Variants in ROBO1 observed in about 807,000 individuals in gnomAD.
ROBO1 encodes the protein roundabout homolog 1.
ROBO1 carries 149 observed loss-of-function variants against 195.9 expected under a neutral mutation model. The observed-to-expected ratio is 0.76, with a 90% confidence interval of 0.67 to 0.87. ROBO1 has a LOEUF of 0.87. Among genes scored for constraint, ROBO1 ranks in the 40% least tolerant of loss-of-function variants. The pLI is 0.00. For missense variants in ROBO1, 1,933 were observed against 2,068.3 expected, an observed-to-expected ratio of 0.93 and a Z score of 1.27; for synonymous variants, 816 against 733.2, an observed-to-expected ratio of 1.11 and a Z score of -1.82.
chr3:79,340,396 T>A (rs78159575), intron 2 of ROBO1, among the ~76,000 whole-genome samples: 2,898 of 152,184 alleles, frequency 0.019, 71 homozygotes, highest in African/African-American at 0.061. Context: ...TAAACTTGGA[T>A]CATGACTTGA....
At chr3:79,541,201 A>G (rs113182375) in intron 2 of ROBO1, among the ~76,000 whole-genome samples, 181 of 152,224 alleles carry the variant, frequency 1.2e-3, no homozygotes, top group African/African-American at 4.0e-3. Flanking sequence ...AGTTACAGAA[A>G]ACAATCACGT....
intron 1 of ROBO1, among the ~76,000 whole-genome samples, chr3:79,591,414 TTTAC>T (rs1030485847): frequency 6.6e-6 from 1 of 151,870 alleles, no homozygotes; most frequent in African/African-American, 2.4e-5. Flanking sequence ...ATCACCTGAC[TTTAC>T]TTGAGATATT....
At chr3:78,630,335 T>G (rs1705106750) in intron 25 of ROBO1, among the ~76,000 whole-genome samples, 1 of 152,196 alleles carries the variant, frequency 6.6e-6, no homozygotes, top group Non-Finnish European at 1.5e-5. Flanking sequence ...GAGATTTCCC[T>G]GTCAATATTT....
At chr3:79,302,143 A>G (rs1183805589) in intron 2 of ROBO1, among the ~76,000 whole-genome samples, 1 of 152,230 alleles carries the variant, frequency 6.6e-6, no homozygotes, top group Non-Finnish European at 1.5e-5. Context: ...TACAGGAACT[A>G]TACACGCTAT....
chr3:79,215,101 GT>G (rs902574368), intron 2 of ROBO1, among the ~76,000 whole-genome samples: 2 of 152,056 alleles, frequency 1.3e-5, no homozygotes, highest in Non-Finnish European at 2.9e-5. Context: ...TGGACCATCT[GT>G]AGGTGGGTCA....
chr3:78,662,176 A>G (rs1233248410), intron 14 of ROBO1, 62 bp from the exon 15 acceptor site: 2 of 1,494,646 alleles, frequency 1.3e-6, no homozygotes, highest in Non-Finnish European at 1.8e-6. Flanking sequence ...GAATGAAAGC[A>G]TGGTGAAACA....
chr3:79,684,378 T>C (rs1163020755), intron 1 of ROBO1, among the ~76,000 whole-genome samples: 1 of 152,116 alleles, frequency 6.6e-6, no homozygotes, highest in East Asian at 1.9e-4. Flanking sequence ...GATTTCTGGA[T>C]TTCCTTATGA....
chr3:79,190,265 G>A (rs188913236), intron 2 of ROBO1, among the ~76,000 whole-genome samples: 2 of 151,730 alleles, frequency 1.3e-5, no homozygotes, highest in Non-Finnish European at 1.5e-5. Context: ...ATGGAATGTT[G>A]TCTAGGAGAA....
At chr3:79,265,653 T>A (rs1004981221) in intron 2 of ROBO1, among the ~76,000 whole-genome samples, 10 of 151,480 alleles carry the variant, frequency 6.6e-5, no homozygotes, top group African/African-American at 2.4e-4. Flanking sequence ...ACATTAATAA[T>A]AAAAATATGA....
At chr3:79,048,472 C>A (rs1343967111) in intron 3 of ROBO1, among the ~76,000 whole-genome samples, 3 of 152,098 alleles carry the variant, frequency 2.0e-5, no homozygotes, top group Non-Finnish European at 4.4e-5. Context: ...ACATCTAATT[C>A]TGTCTTGGCA....
chr3:79,011,106 A>G (rs1484694268), intron 3 of ROBO1, among the ~76,000 whole-genome samples: 1 of 152,184 alleles, frequency 6.6e-6, no homozygotes. Flanking sequence ...AAACCAAGCA[A>G]CTAAAGAAGT....
chr3:79,301,873 T>C (rs536075519), intron 2 of ROBO1, among the ~76,000 whole-genome samples: 2 of 152,270 alleles, frequency 1.3e-5, no homozygotes, highest in Admixed American at 1.3e-4. Context: ...TCTGACCTCA[T>C]AAAATCAATA....
At chr3:78,868,609 A>G (rs1221168926) in intron 4 of ROBO1, among the ~76,000 whole-genome samples, 2 of 152,224 alleles carry the variant, frequency 1.3e-5, no homozygotes, top group Non-Finnish European at 2.9e-5. Flanking sequence ...AGACAAAACT[A>G]TAATTGATTT....
At chr3:79,080,194 A>AT (rs1439950813) in intron 3 of ROBO1, among the ~76,000 whole-genome samples, 3 of 151,824 alleles carry the variant, frequency 2.0e-5, no homozygotes, top group Non-Finnish European at 3.0e-5. Context: ...ATAAATCATT[A>AT]TTTTTAAGAA....
chr3:79,093,807 A>G (rs1449242030), intron 3 of ROBO1, among the ~76,000 whole-genome samples: 1 of 152,096 alleles, frequency 6.6e-6, no homozygotes, highest in Non-Finnish European at 1.5e-5. Flanking sequence ...AACTCAATGC[A>G]CAGTAAAGTC....
At chr3:79,035,380 T>C (rs1206382785) in intron 3 of ROBO1, among the ~76,000 whole-genome samples, 1 of 152,152 alleles carries the variant, frequency 6.6e-6, no homozygotes, top group Non-Finnish European at 1.5e-5. Context: ...TATGGAAATG[T>C]TAAAATAGAA....
intron 2 of ROBO1, among the ~76,000 whole-genome samples, chr3:79,343,692 A>C (rs2109234682): frequency 6.7e-6 from 1 of 149,744 alleles, no homozygotes; most frequent in African/African-American, 2.5e-5. Context: ...AGGGTCCTAT[A>C]CATAGGTTTC....
intron 4 of ROBO1, among the ~76,000 whole-genome samples, chr3:78,750,716 C>A (rs965087197): frequency 4.6e-5 from 7 of 151,928 alleles, no homozygotes; most frequent in African/African-American, 1.7e-4. Context: ...GAAAGTGTTC[C>A]AAGTAATATG....
chr3:79,501,280 G>A (rs1940056438), intron 2 of ROBO1, among the ~76,000 whole-genome samples: 1 of 152,154 alleles, frequency 6.6e-6, no homozygotes, highest in Admixed American at 6.6e-5. Context: ...CTGCCCTACA[G>A]AATTTTTATT....
Sources: gnomAD v4.1 joint callset for allele counts (sites outside exome capture counted in the v4.1 genomes callset) on GRCh38, gnomAD v4.1.1 for gene constraint, MANE v1.5 for transcripts, NCBI Gene and HGNC (gene_info 2026-07-23, HGNC 2026-07-21) for gene names.